GFRAL: variants seen among roughly 807,000 people sequenced by gnomAD.
GFRAL encodes GDNF family receptor alpha-like.
GFRAL carries 36 observed loss-of-function variants against 45.4 expected under a neutral mutation model. That is an observed-to-expected ratio of 0.79 (90% CI 0.61 to 1.05). The LOEUF is 1.05. GFRAL is among the 50% of genes least tolerant of loss of function. GFRAL has a pLI of 0.00. For synonymous variants in GFRAL, 166 were observed against 154.1 expected (o/e 1.08, Z -0.57); for missense variants, 507 against 467.5 (o/e 1.08, Z -0.78).
At chr6:55,367,908 C>G (rs541087239) in intron 6 of GFRAL, among the ~76,000 whole-genome samples, 2 of 149,464 alleles carry the variant, frequency 1.3e-5, no homozygotes, top group Non-Finnish European at 3.0e-5. Context: ...GTGAATCTGA[C>G]AATTATGTGT....
intron 6 of GFRAL, among the ~76,000 whole-genome samples, chr6:55,392,348 A>G (rs1212351859): frequency 1.3e-5 from 2 of 152,162 alleles, no homozygotes; most frequent in African/African-American, 2.4e-5. Context: ...GCTAGCTTTG[A>G]AGTAGGAAGT....
At chr6:55,346,208 T>G (rs961929123) in intron 3 of GFRAL, among the ~76,000 whole-genome samples, 1 of 152,146 alleles carries the variant, frequency 6.6e-6, no homozygotes, top group African/African-American at 2.4e-5. Context: ...CCCAAAGGAT[T>G]ACAAATCATG....
intron 6 of GFRAL, among the ~76,000 whole-genome samples, chr6:55,393,672 G>C (rs73439277): frequency 6.6e-6 from 1 of 151,878 alleles, no homozygotes; most frequent in Non-Finnish European, 1.5e-5. Context: ...AGAGGCAAGG[G>C]GGGAGGAAAG....
intron 6 of GFRAL, among the ~76,000 whole-genome samples, chr6:55,361,999 T>C (rs1234163433): frequency 1.3e-5 from 2 of 152,150 alleles, no homozygotes; most frequent in African/African-American, 4.8e-5. Context: ...CACTGTACTC[T>C]CATTTTTATG....
chr6:55,363,665 C>A (rs971383322), intron 6 of GFRAL, among the ~76,000 whole-genome samples: 3 of 146,508 alleles, frequency 2.0e-5, no homozygotes, highest in Non-Finnish European at 4.5e-5. Flanking sequence ...TCAATTCCCA[C>A]CTATGAGTGA....
At chr6:55,352,763 A>G (rs1768134486) in intron 5 of GFRAL, among the ~76,000 whole-genome samples, 1 of 152,078 alleles carries the variant, frequency 6.6e-6, no homozygotes, top group African/African-American at 2.4e-5. Context: ...TGCTATGACC[A>G]TAGAAATGTA....
At chr6:55,392,254 C>T (rs1051940317) in intron 6 of GFRAL, among the ~76,000 whole-genome samples, 6 of 152,160 alleles carry the variant, frequency 3.9e-5, no homozygotes, top group Non-Finnish European at 8.8e-5. Context: ...CATTTTTCCC[C>T]TTACTGGAAA....
chr6:55,340,680 G>A (rs1767951209), intron 3 of GFRAL, among the ~76,000 whole-genome samples: 3 of 152,164 alleles, frequency 2.0e-5, no homozygotes, highest in Admixed American at 2.0e-4. Context: ...GTGGGGGCAG[G>A]ATAGTGGGTG....
At chr6:55,365,337 G>A (rs1185630120) in intron 6 of GFRAL, among the ~76,000 whole-genome samples, 1 of 140,022 alleles carries the variant, frequency 7.1e-6, no homozygotes, top group Non-Finnish European at 1.5e-5. Flanking sequence ...AGAAGATTTT[G>A]GGCTGAGACA....
chr6:55,329,002 T>G (rs1356080482), intron 1 of GFRAL, among the ~76,000 whole-genome samples: 1 of 152,062 alleles, frequency 6.6e-6, no homozygotes. Flanking sequence ...GCCCCATACA[T>G]CTTTAAAACA....
intron 1 of GFRAL, among the ~76,000 whole-genome samples, chr6:55,328,304 T>C (rs1170088461): frequency 6.6e-6 from 1 of 151,944 alleles, no homozygotes; most frequent in Non-Finnish European, 1.5e-5. Context: ...ATAAACTGAA[T>C]TCAGAAAAGG....
intron 5 of GFRAL, among the ~76,000 whole-genome samples, chr6:55,355,840 T>C (rs72969049): frequency 0.12 from 18,345 of 151,984 alleles, 1,259 homozygotes; most frequent in African/African-American, 0.19. Flanking sequence ...CCATTTTATA[T>C]GATACTAGCT....
chr6:55,361,080 T>A (rs6914954), intron 6 of GFRAL, among the ~76,000 whole-genome samples: 24,705 of 151,946 alleles, frequency 0.16, 2,296 homozygotes, highest in African/African-American at 0.25. Context: ...ACATTTAAAA[T>A]TGTGTAAATA....
intron 3 of GFRAL, among the ~76,000 whole-genome samples, chr6:55,341,617 T>C (rs1767966516): frequency 6.6e-6 from 1 of 151,912 alleles, no homozygotes; most frequent in Non-Finnish European, 1.5e-5. Context: ...TCAGAGCAAC[T>C]CTCCCCCTCC....
chr6:55,342,168 A>T (rs1482609934), intron 3 of GFRAL, among the ~76,000 whole-genome samples: 1 of 152,238 alleles, frequency 6.6e-6, no homozygotes, highest in Non-Finnish European at 1.5e-5. Context: ...CAGGAAATAC[A>T]GAGAATGCCA....
intron 1 of GFRAL, among the ~76,000 whole-genome samples, chr6:55,330,294 G>T (rs552202427): frequency 6.6e-6 from 1 of 152,076 alleles, no homozygotes; most frequent in African/African-American, 2.4e-5. Context: ...TACCTATACT[G>T]CATCACTGTG....
At chr6:55,378,042 A>G (rs1431262083) in intron 6 of GFRAL, among the ~76,000 whole-genome samples, 1 of 152,068 alleles carries the variant, frequency 6.6e-6, no homozygotes, top group Non-Finnish European at 1.5e-5. Flanking sequence ...TGACCTTTGG[A>G]TCCTGTCCCT....
intron 5 of GFRAL, among the ~76,000 whole-genome samples, chr6:55,358,164 A>G (rs1233945216): frequency 6.6e-6 from 1 of 151,964 alleles, no homozygotes; most frequent in African/African-American, 2.4e-5. Flanking sequence ...CTTCATGAAA[A>G]TGTCATGTAC....
chr6:55,346,732 C>A (rs115208790), intron 3 of GFRAL, among the ~76,000 whole-genome samples: 1,984 of 147,718 alleles, frequency 0.013, 23 homozygotes, highest in Non-Finnish European at 0.022. Flanking sequence ...TGAGTCAAAG[C>A]AAATATCAAC....
Sources: gnomAD v4.1 joint callset for allele counts (sites outside exome capture counted in the v4.1 genomes callset) on GRCh38, gnomAD v4.1.1 for gene constraint, MANE v1.5 for transcripts, NCBI Gene and HGNC (gene_info 2026-07-23, HGNC 2026-07-21) for gene names.